ARHGAP42: variants seen among roughly 807,000 people sequenced by gnomAD.
ARHGAP42 encodes rho GTPase-activating protein 42.
In ARHGAP42, 63 loss-of-function variants were observed where a neutral mutation model predicts 125.0. That is an observed-to-expected ratio of 0.50 (90% CI 0.41 to 0.62). ARHGAP42 has a LOEUF of 0.62. Ranked by LOEUF, ARHGAP42 falls within the 20% of genes least tolerant of loss-of-function variation. ARHGAP42 has a pLI of 0.00. For synonymous variants in ARHGAP42, 339 were observed against 351.0 expected, an observed-to-expected ratio of 0.97 and a Z score of 0.38; for missense variants, 766 against 1,024.2, an observed-to-expected ratio of 0.75 and a Z score of 3.44.
chr11:100,992,037 C>G lies in ARHGAP42; in HGVS notation c.*3236C>G, dbSNP rs1011540483. ...GATTTCTCACTATCATCCAGTGTAC[C>G]CTGCTCACCTTCTCACTCCTAGCAC... is the stretch of plus-strand genomic sequence containing the variant. On this transcript the variant is annotated 3_prime_UTR_variant, in exon 24 of 24. Coordinates refer to ENST00000298815, the MANE Select transcript of ARHGAP42 (RefSeq NM_152432.4). 2.5e-6 allele frequency: 1 copy of G among 394,180 alleles called. No homozygotes were observed. The highest frequency in any genetic ancestry group is 4.5e-6 in the Non-Finnish European group (1 of 222,490). The allele number at this position is 394,180 out of a possible 1,614,324, so 24.4% of individuals were successfully genotyped here.
At chr11:100,946,924 C>T (rs524416) in intron 10 of ARHGAP42, among the ~76,000 whole-genome samples, 133,733 of 151,572 alleles carry the variant, frequency 0.88, 59,088 homozygotes, top group East Asian at 1. Flanking sequence ...ATCTGCAAAG[C>T]TCAATCAAGC....
At chr11:100,704,494 C>T (rs1861446830) in intron 1 of ARHGAP42, among the ~76,000 whole-genome samples, 1 of 152,160 alleles carries the variant, frequency 6.6e-6, no homozygotes, top group Admixed American at 6.5e-5. Flanking sequence ...CTTGGGTGCA[C>T]AGCCTTTTCT....
chr11:100,843,530 A>G (rs778088234), intron 3 of ARHGAP42, among the ~76,000 whole-genome samples: 1 of 152,124 alleles, frequency 6.6e-6, no homozygotes, highest in Non-Finnish European at 1.5e-5. Flanking sequence ...TTTGCTGATG[A>G]TATGATTGTA....
intron 15 of ARHGAP42, among the ~76,000 whole-genome samples, chr11:100,962,188 C>T (rs1206432725): frequency 6.6e-6 from 1 of 152,064 alleles, no homozygotes; most frequent in East Asian, 1.9e-4. Flanking sequence ...GAAAGAAGTA[C>T]ATTGGTGTCT....
chr11:100,855,982 G>A (rs1278745858), intron 3 of ARHGAP42, among the ~76,000 whole-genome samples: 2 of 151,904 alleles, frequency 1.3e-5, no homozygotes, highest in African/African-American at 4.8e-5. Context: ...CAATATTTAG[G>A]GAGAGTCTTA....
At chr11:100,931,565 C>G (rs1392343412) in intron 6 of ARHGAP42, among the ~76,000 whole-genome samples, 1 of 152,074 alleles carries the variant, frequency 6.6e-6, no homozygotes, top group Non-Finnish European at 1.5e-5. Flanking sequence ...ATGATGATTT[C>G]AAAGTAGCAC....
intron 1 of ARHGAP42, 143 bp downstream of exon 1, chr11:100,687,975 G>T: frequency 1.1e-6 from 1 of 939,562 alleles, no homozygotes; most frequent in Admixed American, 3.0e-5. Context: ...CCCTGCTGGT[G>T]GCCAACAAAG....
At chr11:100,822,855 A>T (rs571883538) in intron 3 of ARHGAP42, among the ~76,000 whole-genome samples, 1 of 152,252 alleles carries the variant, frequency 6.6e-6, no homozygotes, top group South Asian at 2.1e-4. Context: ...AACCCCCAAG[A>T]ATGAACATAT....
chr11:100,810,708 A>G (rs534643126), intron 3 of ARHGAP42, among the ~76,000 whole-genome samples: 14 of 152,306 alleles, frequency 9.2e-5, no homozygotes, highest in South Asian at 6.2e-4. Context: ...AATTATTTCT[A>G]TTACCACAGG....
intron 2 of ARHGAP42, among the ~76,000 whole-genome samples, chr11:100,779,541 T>C (rs893962035): frequency 2.5e-5 from 1 of 40,382 alleles, no homozygotes; most frequent in African/African-American, 5.7e-5. Flanking sequence ...TATATATACG[T>C]ATATATATAC....
intron 1 of ARHGAP42, among the ~76,000 whole-genome samples, chr11:100,740,064 C>A (rs76300906): frequency 7.6e-6 from 1 of 132,016 alleles, no homozygotes; most frequent in African/African-American, 2.9e-5. Flanking sequence ...GTTATTAGTA[C>A]AATTTTTTTT....
rs918837525 is a variant in ARHGAP42 at position 100,844,699 on chromosome 11, A to G, written c.313-14855A>G. Among the ~76,000 whole-genome samples the G allele has an allele frequency of 5.9e-5, 9 of 152,266 alleles. 1 individual carries two copies. The highest frequency in any genetic ancestry group is 2.0e-4 in the Admixed American group (3 of 15,276). ...CTAAGAAACATATGAAAAAATCTCA[A>G]CATCACTAATGATCAGGGAAATGCA... On this transcript the variant is annotated intron_variant, in intron 3 of 23. Coordinates refer to ENST00000298815, the MANE Select transcript of ARHGAP42 (RefSeq NM_152432.4).
chr11:100,745,339 A>C (rs1862276743), intron 1 of ARHGAP42, among the ~76,000 whole-genome samples: 1 of 151,982 alleles, frequency 6.6e-6, no homozygotes, highest in African/African-American at 2.4e-5. Flanking sequence ...GTTCTGCTTG[A>C]TTTCCCAAAA....
At chr11:100,845,886 A>G (rs1186949967) in intron 3 of ARHGAP42, among the ~76,000 whole-genome samples, 1 of 152,154 alleles carries the variant, frequency 6.6e-6, no homozygotes, top group Non-Finnish European at 1.5e-5. Flanking sequence ...TTATCAGCCT[A>G]ATTGAGTTTT....
At chr11:100,753,862 T>G (rs527560398) in intron 1 of ARHGAP42, among the ~76,000 whole-genome samples, 2 of 152,316 alleles carry the variant, frequency 1.3e-5, no homozygotes, top group African/African-American at 4.8e-5. Flanking sequence ...GACTTACAGT[T>G]TTTCCACCTG....
chr11:100,742,735 C>T (rs899390901), intron 1 of ARHGAP42, among the ~76,000 whole-genome samples: 4 of 152,064 alleles, frequency 2.6e-5, no homozygotes, highest in Non-Finnish European at 5.9e-5. Context: ...AAATATTTTA[C>T]GAATCTGGGA....
intron 1 of ARHGAP42, among the ~76,000 whole-genome samples, chr11:100,744,663 C>A (rs760803997): frequency 1.1e-4 from 17 of 151,974 alleles, no homozygotes; most frequent in Non-Finnish European, 1.9e-4. Flanking sequence ...GCTTTTGGTG[C>A]TTTCAGCAGT....
intron 1 of ARHGAP42, among the ~76,000 whole-genome samples, chr11:100,719,855 A>C (rs532943894): frequency 2.4e-4 from 36 of 152,300 alleles, no homozygotes; most frequent in African/African-American, 5.5e-4. Context: ...AAGAGAGAAG[A>C]AGCAGCAGAG....
chr11:100,896,192 A>C (rs796670352), intron 4 of ARHGAP42, among the ~76,000 whole-genome samples: 33 of 152,106 alleles, frequency 2.2e-4, no homozygotes, highest in African/African-American at 7.5e-4. Context: ...TTATGGCTGC[A>C]TAGTATTCCA....
Sources: gnomAD v4.1 joint callset for allele counts (sites outside exome capture counted in the v4.1 genomes callset) on GRCh38, gnomAD v4.1.1 for gene constraint, MANE v1.5 for transcripts, NCBI Gene and HGNC (gene_info 2026-07-23, HGNC 2026-07-21) for gene names.